Variants in EHMT2 observed in about 807,000 individuals in gnomAD.
EHMT2 encodes the protein histone-lysine N-methyltransferase EHMT2.
Under a neutral mutation model 143.3 loss-of-function variants are expected in EHMT2, and 59 were observed. The ratio of observed to expected loss-of-function variants is 0.41; its 90% CI spans 0.33 to 0.51. The LOEUF (loss-of-function observed/expected upper bound fraction) is 0.51, where lower values mean the gene tolerates loss of function less well. Ranked by LOEUF, EHMT2 falls within the 20% of genes least tolerant of loss-of-function variation. The pLI is 0.18. For missense variants in EHMT2, 1,174 were observed against 1,645.9 expected, an observed-to-expected ratio of 0.71 and a Z score of 4.96; for synonymous variants, 604 against 651.5, an observed-to-expected ratio of 0.93 and a Z score of 1.11.
At position 31,889,146 on chromosome 6, in the gene EHMT2, C is replaced by T. The variant is rs576532890; in HGVS notation, c.1115-76G>A. On this transcript the variant is annotated intron_variant, in intron 9 of 27. Coordinates refer to ENST00000375537, the Ensembl canonical transcript of EHMT2. This position sits in a 1 kb window ranked among gnomAD's most constrained non-coding sequence, Gnocchi z 5.1. ...GCGTGGGTACATGCAGGTGGACATG[C>T]GAGAGCGTGTGTGTGCGTGCACACA... 1.5e-5 allele frequency: 23 copies of T among 1,540,606 alleles called. No homozygotes were observed. The highest frequency in any genetic ancestry group is 9.5e-5 in the African/African-American group (7 of 73,366).
At chr6:31,891,136 G>A (rs897389359) in intron 7 of EHMT2, among the ~76,000 whole-genome samples, 1 of 151,910 alleles carries the variant, frequency 6.6e-6, no homozygotes, top group Admixed American at 6.6e-5. Context: ...GTAGAGACGG[G>A]GTTTCTCCAT....
At chr6:31,894,268 T>C (rs917573550) in intron 4 of EHMT2, among the ~76,000 whole-genome samples, 1 of 152,052 alleles carries the variant, frequency 6.6e-6, no homozygotes, top group Non-Finnish European at 1.5e-5. Flanking sequence ...TGCCTCAGCC[T>C]CCCAAGTAGC....
In EHMT2 at chr6:31,880,404, G is replaced by A. The variant is rs1435139721; in HGVS notation, c.3453-140C>T. 7 of 1,015,392 alleles carry A rather than the reference G, an allele frequency of 6.9e-6. No homozygotes were observed. The highest frequency in any genetic ancestry group is 1.6e-5 in the African/African-American group (1 of 61,578). 62.9% of individuals were successfully genotyped at this position (1,015,392 alleles called of 1,614,324 possible). On this transcript the variant is annotated intron_variant, in intron 27 of 27. Transcript: ENST00000375537. The surrounding 1 kb of genome is among the most constrained non-coding windows in gnomAD (Gnocchi z 6.6). ...CAGATGGGATCTGAGCCCCTTGTAT[G>A]TTCTATGGACTTTCAGCATCAGCAT... is the stretch of plus-strand genomic sequence containing the variant.
intron 4 of EHMT2, among the ~76,000 whole-genome samples, chr6:31,894,152 G>GTT (rs1207975734): frequency 2.1e-5 from 3 of 141,942 alleles, no homozygotes; most frequent in African/African-American, 7.7e-5. Context: ...TTTTTGTTTT[G>GTT]TTTTTTTTTT....
Position 31,887,976 on chromosome 6 carries a change from G to T in EHMT2, c.1746-15C>A, listed in dbSNP as rs564742012. On this transcript the variant is annotated splice_polypyrimidine_tract_variant and intron_variant, in intron 13 of 27. Coordinates refer to ENST00000375537, the Ensembl canonical transcript of EHMT2. ...GCATCCGGGCACTGTGGAAGAAGGA[G>T]CTCATGTCCAGGAGCAATAGGGGTG... 1 of 1,581,530 alleles carries T rather than the reference G, an allele frequency of 6.3e-7. No individual in the cohort carries two copies. Among genetic ancestry groups the T allele is most frequent in the South Asian group, 1.1e-5 (1 of 87,360 alleles).
chr6:31,882,732 A>G, exon 25 of EHMT2: 1 of 1,612,636 alleles, frequency 6.2e-7, no homozygotes, highest in African/African-American at 1.3e-5. Flanking sequence ...GATGGTCTGC[A>G]GGGCGCGGAC....
rs542732963 is a variant in EHMT2, at chr6:31,887,869, G to T, written c.1838C>A (p.Pro613His). The T allele has an allele frequency of 5.6e-6, 9 of 1,611,898 alleles. No homozygotes were observed. The East Asian group carries it at 2.0e-4, about 36-fold the overall frequency. ...CACGGCTGAAAGGCAGCCCCCATTG[G>T]GCAGGGTCAGGGAGGGCCCTGAGCT... The change falls in exon 14 of 28, where the codon CCC becomes CAC. Residue 613 changes from proline to histidine, a missense_variant. By Grantham distance (77) the Pro-to-His change is moderately conservative. This residue lies in a region of EHMT2 where 608 missense variants were observed against 903.7 expected (regional missense o/e 0.67). Transcript: ENST00000375537.
rs923264940 is a variant in EHMT2 at position 31,881,169 on chromosome 6, C to T, written c.3198-77G>A. On this transcript the variant is annotated intron_variant, in intron 25 of 27. Coordinates refer to ENST00000375537, the Ensembl canonical transcript of EHMT2. This position sits in a 1 kb window ranked among gnomAD's most constrained non-coding sequence, Gnocchi z 4.8. ...TGGCTCCAGGCCCCATCTCTCTTCA[C>T]AAGCCTGTGGAATCTGGAATGGGCA... is the stretch of plus-strand genomic sequence containing the variant. The T allele has an allele frequency of 2.3e-6, 3 of 1,292,994 alleles. No homozygotes were observed. Among genetic ancestry groups the T allele is most frequent in the Non-Finnish European group, 3.3e-6 (3 of 895,830 alleles). 80.1% of individuals were successfully genotyped at this position (1,292,994 alleles called of 1,614,324 possible).
At chr6:31,897,245 C>G (rs542131856) in intron 1 of EHMT2, 1 of 1,120,668 alleles carries the variant, frequency 8.9e-7, no homozygotes, top group Non-Finnish European at 1.1e-6. Flanking sequence ...GCGGGGCCTC[C>G]GCGCCCCGGC....
Position 31,881,405 on chromosome 6 carries a change from G to A in EHMT2, c.3198-313C>T, listed in dbSNP as rs922404930. On this transcript the variant is annotated intron_variant, in intron 25 of 27. Coordinates refer to ENST00000375537, the Ensembl canonical transcript of EHMT2. This position sits in a 1 kb window ranked among gnomAD's most constrained non-coding sequence, Gnocchi z 4.8. ...GAGGTTTGTGTTCCAGGAGCCACCC[G>A]GCAGGAATGGGCGATATGGAACAGG... The A allele has an allele frequency of 6.3e-5, 31 of 489,236 alleles. No individual in the cohort carries two copies. The highest frequency in any genetic ancestry group is 5.7e-4 in the Middle Eastern group (1 of 1,768). The allele number at this position is 489,236 out of a possible 1,614,324, so 30.3% of individuals were successfully genotyped here.
chr6:31,896,197 G>C (rs747398242), intron 4 of EHMT2, 66 bp downstream of exon 4: 3 of 1,538,482 alleles, frequency 1.9e-6, no homozygotes, highest in Non-Finnish European at 2.6e-6. Flanking sequence ...GAAGCCTTAA[G>C]TGAAACTGTA....
At chr6:31,885,487 A>C in intron 18 of EHMT2, 1 of 153,690 alleles carries the variant, frequency 6.5e-6, no homozygotes, top group Non-Finnish European at 1.4e-5. Flanking sequence ...AAAACAAACA[A>C]ACAAAAATGG....
chr6:31,885,280 A>G (rs1764685512), intron 18 of EHMT2: 5 of 395,730 alleles, frequency 1.3e-5, no homozygotes, highest in Non-Finnish European at 1.8e-5. Context: ...GATGGAGGCC[A>G]TTGTGGCCAA....
exon 28 of EHMT2, chr6:31,879,856 C>CG (rs1329073743): frequency 5.4e-6 from 3 of 554,590 alleles, no homozygotes; most frequent in East Asian, 2.8e-5. Flanking sequence ...ATGGGGAACA[C>CG]GGGGGGTGGC....
intron 14 of EHMT2, 47 bp from the exon 15 acceptor site, chr6:31,887,706 T>G: frequency 6.2e-7 from 1 of 1,609,974 alleles, no homozygotes; most frequent in Non-Finnish European, 8.5e-7. Context: ...GCTCCTCAGA[T>G]TCCAGCATCA....
chr6:31,892,082 A>C (rs1261255110), intron 7 of EHMT2, among the ~76,000 whole-genome samples: 1 of 152,132 alleles, frequency 6.6e-6, no homozygotes, highest in Non-Finnish European at 1.5e-5. Flanking sequence ...TCTCTACTAA[A>C]AATACAAAAA....
chr6:31,888,365 C>T lies in EHMT2; in HGVS notation c.1507G>A (p.Ala503Thr), dbSNP rs765846595. The change falls in exon 12 of 28, where the codon GCG becomes ACG. Residue 503 changes from alanine to threonine, a missense_variant and splice_region_variant. This residue lies in a region of EHMT2 where 608 missense variants were observed against 903.7 expected (regional missense o/e 0.67). Transcript: ENST00000375537. This position sits in a 1 kb window ranked among gnomAD's most constrained non-coding sequence, Gnocchi z 7.4. Reference sequence around the variant, plus strand: ...TGTCTGCCCCACTGGTCACTCACCGCCGTGCAGAAGTAGCCGCAGCCCGGG... The same window carrying T: ...TGTCTGCCCCACTGGTCACTCACCGTCGTGCAGAAGTAGCCGCAGCCCGGG... 1.2e-6 allele frequency: 2 copies of T among 1,612,408 alleles called. No homozygotes were observed. The highest frequency in any genetic ancestry group is 2.7e-5 in the African/African-American group (2 of 74,926).
chr6:31,892,899 AG>A lies in EHMT2; in HGVS notation c.593del (p.Pro198LeufsTer13). 2 of 1,577,330 alleles carry A rather than the reference AG, an allele frequency of 1.3e-6. No homozygotes were observed. The highest frequency in any genetic ancestry group is 8.6e-7 in the Non-Finnish European group (1 of 1,160,744). On this transcript the variant is annotated frameshift_variant, in exon 5 of 28. Transcript: ENST00000375537. LOFTEE classifies it high-confidence loss of function. Reference sequence around the variant, plus strand: ...GCTGTATTTCAGGGGGCCGCTTCTCAGGGACCGGGGGCTGTGGGCCGAGAGG... The same window carrying A: ...GCTGTATTTCAGGGGGCCGCTTCTCAGGACCGGGGGCTGTGGGCCGAGAGG...
chr6:31,892,428 C>A, exon 7 of EHMT2: 1 of 1,612,984 alleles, frequency 6.2e-7, no homozygotes, highest in Non-Finnish European at 8.5e-7. Context: ...AGTCCACGCG[C>A]TCATCCACAG....
Sources: allele counts gnomAD v4.1 joint callset (sites outside exome capture counted in the v4.1 genomes callset), GRCh38; gene constraint gnomAD v4.1.1; regional missense constraint gnomAD v4.1.1; non-coding constraint Gnocchi (gnomAD v3.1); transcripts MANE v1.5; gene names NCBI Gene and HGNC (gene_info 2026-07-23, HGNC 2026-07-21).